The following DENND4A variants were observed in gnomAD, a reference collection of about 807,000 sequenced individuals.
DENND4A encodes C-myc promoter-binding protein.
DENND4A carries 70 observed loss-of-function variants against 199.3 expected under a neutral mutation model. The ratio of observed to expected loss-of-function variants is 0.35; its 90% CI spans 0.29 to 0.43. The LOEUF is 0.43. Ranked by LOEUF, DENND4A falls within the 20% of genes least tolerant of loss-of-function variation. DENND4A has a pLI of 1.00. For synonymous variants in DENND4A, 686 were observed against 766.9 expected (o/e 0.89, Z 1.74); for missense variants, 1,723 against 2,255.8 (o/e 0.76, Z 4.78).
rs2075792952 is a variant in DENND4A, at chr15:65,659,530, GTCTC to G, written c.*2317_*2320del. 1 of 151,402 alleles carries G rather than the reference GTCTC, an allele frequency of 6.6e-6. No individual in the cohort carries two copies. The highest frequency in any genetic ancestry group is 1.5e-5 in the Non-Finnish European group (1 of 67,852). The allele number at this position is 151,402 out of a possible 1,614,324, so 9.4% of individuals were successfully genotyped here. On this transcript the variant is annotated 3_prime_UTR_variant, in exon 33 of 33. Transcript: ENST00000443035. Reference sequence around the variant, plus strand: ...TAAAAAATTTTTTTGTAGAGACAGGGTCTCTCTATGTTGCTCAGGCTGGTTTTGA... The same window carrying G: ...TAAAAAATTTTTTTGTAGAGACAGGGTCTATGTTGCTCAGGCTGGTTTTGA...
chr15:65,729,435 C>G, intron 10 of DENND4A, 99 bp downstream of exon 10: 1 of 1,464,914 alleles, frequency 6.8e-7, no homozygotes, highest in East Asian at 2.5e-5. Context: ...ATTCATTACT[C>G]TCTGAATTTT....
At chr15:65,718,318 A>G (rs2075477369) in intron 12 of DENND4A, among the ~76,000 whole-genome samples, 3 of 152,206 alleles carry the variant, frequency 2.0e-5, no homozygotes, top group Non-Finnish European at 4.4e-5. Context: ...GTTCAAGACT[A>G]GCCTGGGCAA....
intron 2 of DENND4A, among the ~76,000 whole-genome samples, chr15:65,757,148 T>C (rs916498999): frequency 6.6e-6 from 1 of 151,894 alleles, no homozygotes. Context: ...CCCAAAACAC[T>C]GAAGAAACCA....
At chr15:65,750,983 G>C (rs1420650009) in intron 4 of DENND4A, among the ~76,000 whole-genome samples, 1 of 152,076 alleles carries the variant, frequency 6.6e-6, no homozygotes, top group Non-Finnish European at 1.5e-5. Context: ...CCCAAGGTCT[G>C]TTCTTGTATA....
chr15:65,769,167 G>A (rs1205404070), intron 1 of DENND4A, among the ~76,000 whole-genome samples: 1 of 150,270 alleles, frequency 6.7e-6, no homozygotes, highest in Non-Finnish European at 1.5e-5. Context: ...TTTAAAAATA[G>A]CTAAGAATGA....
At position 65,703,000 on chromosome 15, in the gene DENND4A, C is replaced by A; in HGVS notation, c.2096G>T (p.Gly699Val). Residue 699 changes from glycine to valine, a missense_variant, in exon 16 of 33, where the codon GGA (glycine) becomes GTA (valine). Gly to Val is a moderately radical substitution (Grantham distance 109). Around this residue, in one of 6 missense-constraint regions of DENND4A, gnomAD observed 725 missense variants for 952.9 expected, o/e 0.76. Coordinates refer to ENST00000443035, the MANE Select transcript of DENND4A (RefSeq NM_001320835.1). Reference sequence around the variant, plus strand: ...TAAATTGTTCCTAAGAACTGGAAATCCATTATAGCTGTTTTAGAAAAAACA... The same window carrying A: ...TAAATTGTTCCTAAGAACTGGAAATACATTATAGCTGTTTTAGAAAAAACA... ...EEPPLQYSYN[G>V]FPVLRNNLFE... The A allele has an allele frequency of 6.2e-7, 1 of 1,610,952 alleles. No homozygotes were observed. Among genetic ancestry groups the A allele is most frequent in the Non-Finnish European group, 8.5e-7 (1 of 1,178,910 alleles).
At chr15:65,669,117 TGAAA>T (rs1400582580) in intron 27 of DENND4A, among the ~76,000 whole-genome samples, 1 of 152,052 alleles carries the variant, frequency 6.6e-6, no homozygotes. Flanking sequence ...AGACCGGTGA[TGAAA>T]GAAGGTGCAC....
chr15:65,772,622 G>A (rs553331842), intron 1 of DENND4A, among the ~76,000 whole-genome samples: 13 of 139,936 alleles, frequency 9.3e-5, no homozygotes, highest in African/African-American at 1.9e-4. Flanking sequence ...CAGGAGAATC[G>A]CTTGAACCTG....
At chr15:65,729,735 T>C (rs2075903936) in intron 9 of DENND4A, 57 bp from the exon 10 acceptor site, 8 of 1,475,890 alleles carry the variant, frequency 5.4e-6, no homozygotes, top group Non-Finnish European at 5.4e-6. Flanking sequence ...CACCTCATTA[T>C]CTAAAACAAT....
In DENND4A at chr15:65,732,819, CT is replaced by C. The variant is rs768773994; in HGVS notation, c.1041-2del. On this transcript the variant is annotated splice_acceptor_variant, in intron 7 of 32. Coordinates refer to ENST00000443035, the MANE Select transcript of DENND4A (RefSeq NM_001320835.1). LOFTEE classifies it high-confidence loss of function. ...TTTATGCATAAAATGAGAAATATGC[CT>C]TGAAAACAAACAAAAGTGTAAGTGA... The C allele has an allele frequency of 8.9e-5, 141 of 1,576,534 alleles. 1 individual carries two copies. In the Middle Eastern group the frequency reaches 1.2e-3, roughly 13 times the overall value.
chr15:65,676,495 T>C lies in DENND4A; in HGVS notation c.4319A>G (p.Lys1440Arg). 1 of 1,613,274 alleles carries C rather than the reference T, an allele frequency of 6.2e-7. No individual in the cohort carries two copies. The highest frequency in any genetic ancestry group is 8.5e-7 in the Non-Finnish European group (1 of 1,179,544). Residue 1440 changes from lysine (K) to arginine (R), a missense_variant, in exon 24 of 33, where the codon AAG becomes AGG. Physicochemically the swap from Lys to Arg is conservative, Grantham distance 26. This residue lies in a region of DENND4A where 650 missense variants were observed against 738.1 expected (regional missense o/e 0.88). Coordinates refer to ENST00000443035, the MANE Select transcript of DENND4A (RefSeq NM_001320835.1). ...GCTTATTCGGCTGAGATCAATTCTC[T>C]TAGTCCCTGAAGTAGCACTGGTCTC... ...SQETSATSGTKRIDLSRISLE... is the reference protein window; with the variant it reads ...SQETSATSGTRRIDLSRISLE...
intron 21 of DENND4A, chr15:65,696,794 C>G: frequency 3.8e-6 from 1 of 264,118 alleles, no homozygotes; most frequent in Non-Finnish European, 7.5e-6. Context: ...TAAATATAAT[C>G]ACAATCCATT....
chr15:65,778,052 G>A (rs560603753), intron 1 of DENND4A, among the ~76,000 whole-genome samples: 1 of 152,084 alleles, frequency 6.6e-6, no homozygotes, highest in Non-Finnish European at 1.5e-5. Context: ...AGGCTGTTAA[G>A]CTGGTATCTT....
chr15:65,695,252 T>C (rs1435285770), intron 22 of DENND4A, among the ~76,000 whole-genome samples: 1 of 152,212 alleles, frequency 6.6e-6, no homozygotes, highest in Non-Finnish European at 1.5e-5. Flanking sequence ...TTGCAGGCCA[T>C]GTGGTCTCTG....
At chr15:65,678,234 TTTTC>T (rs1191075592) in intron 23 of DENND4A, among the ~76,000 whole-genome samples, 5 of 152,322 alleles carry the variant, frequency 3.3e-5, no homozygotes, top group African/African-American at 4.8e-5. Context: ...GGCCTCATAC[TTTTC>T]TTTTTCAAAA....
rs999573005 is a variant in DENND4A, at chr15:65,671,838, G to A, written c.4418C>T (p.Ser1473Phe). The A allele has an allele frequency of 3.1e-6, 5 of 1,613,018 alleles. No individual in the cohort carries two copies. Among genetic ancestry groups the A allele is most frequent in the Non-Finnish European group, 3.4e-6 (4 of 1,179,120 alleles). ...GATATTTGTATTACTCGCGTTGAAG[G>A]AAGATGTCACTTCTGATTTCCCAGG... ...ALPGKSEVTS[S>F]FNASNTNIFQ... Residue 1473 changes from serine to phenylalanine, a missense_variant, in exon 25 of 33, where the codon TCC becomes TTC. Ser to Phe is a radical substitution (Grantham distance 155). Coordinates refer to ENST00000443035, the MANE Select transcript of DENND4A (RefSeq NM_001320835.1).
At chr15:65,766,532 T>C (rs539084632) in intron 1 of DENND4A, 1 of 152,330 alleles carries the variant, frequency 6.6e-6, no homozygotes, top group Non-Finnish European at 1.5e-5. Flanking sequence ...AATATGGTAT[T>C]GTGGGACACG....
rs1428614755 is a variant in DENND4A, at chr15:65,660,230, C to T, written c.*1621G>A. The T allele has an allele frequency of 1.4e-6, 2 of 1,460,596 alleles. No homozygotes were observed. The highest frequency in any genetic ancestry group is 1.9e-6 in the Non-Finnish European group (2 of 1,078,782). The allele number at this position is 1,460,596 out of a possible 1,614,324, so 90.5% of individuals were successfully genotyped here. A position where few individuals can be genotyped will look rare whatever the true frequency, so the allele number is the denominator to read the frequency against. The stretch of plus-strand genomic sequence containing the variant: ...TTTTTCAAGTAAGCAAGTTCAGCCC[C>T]AAACTAACTGAAGTTTTACATTTTT... On this transcript the variant is annotated 3_prime_UTR_variant, in exon 33 of 33. Coordinates refer to ENST00000443035, the MANE Select transcript of DENND4A (RefSeq NM_001320835.1).
intron 3 of DENND4A, among the ~76,000 whole-genome samples, chr15:65,753,613 C>A (rs2140639790): frequency 6.6e-6 from 1 of 152,260 alleles, no homozygotes; most frequent in Admixed American, 6.5e-5. Context: ...TCTGCCTCGG[C>A]CTCCCAAAGT....
Sources: allele counts gnomAD v4.1 joint callset (sites outside exome capture counted in the v4.1 genomes callset), GRCh38; gene constraint gnomAD v4.1.1; regional missense constraint gnomAD v4.1.1; transcripts MANE v1.5; gene names NCBI Gene and HGNC (gene_info 2026-07-23, HGNC 2026-07-21).